Variants in STXBP5 observed in about 807,000 individuals in gnomAD.
STXBP5 encodes syntaxin binding protein 5.
STXBP5 carries 50 observed loss-of-function variants against 152.4 expected under a neutral mutation model. The observed-to-expected ratio is 0.33, with a 90% confidence interval of 0.26 to 0.42. The LOEUF (loss-of-function observed/expected upper bound fraction) is 0.42, where lower values mean the gene tolerates loss of function less well. Among genes scored for constraint, STXBP5 ranks in the 10% least tolerant of loss-of-function variants. STXBP5 has a pLI of 1.00. For missense variants in STXBP5, 1,167 were observed against 1,388.6 expected (o/e 0.84, Z 2.54); for synonymous variants, 492 against 494.7 (o/e 0.99, Z 0.07).
chr6:147,315,655 A>C lies in STXBP5; in HGVS notation c.1543A>C (p.Met515Leu). ...QIISWCPESR[M>L]LCIAGVSAHV... ...CATCTCCTGGTGTCCAGAAAGTAGA[A>C]TGCTGTGCATCGCTGGAGTTTCAGC... Residue 515 changes from methionine (M) to leucine (L), a missense_variant, in exon 15 of 28, where the codon ATG (methionine) becomes CTG (leucine). Physicochemically the swap from Met to Leu is conservative, Grantham distance 15 (BLOSUM62 2). Around this residue, in one of 3 missense-constraint regions of STXBP5, gnomAD observed 833 missense variants for 986.3 expected, o/e 0.84. Transcript: ENST00000321680. The C allele has an allele frequency of 6.2e-7, 1 of 1,613,984 alleles. No individual in the cohort carries two copies. Among genetic ancestry groups the C allele is most frequent in the Non-Finnish European group, 8.5e-7 (1 of 1,179,934 alleles).
At chr6:147,252,329 T>C (rs918426574) in intron 4 of STXBP5, among the ~76,000 whole-genome samples, 1 of 151,774 alleles carries the variant, frequency 6.6e-6, no homozygotes, top group East Asian at 2.0e-4. Context: ...CTAAGAACCT[T>C]GAAAAAAGGT....
intron 2 of STXBP5, among the ~76,000 whole-genome samples, chr6:147,218,935 A>C (rs1300632921): frequency 6.6e-6 from 1 of 152,160 alleles, no homozygotes; most frequent in Non-Finnish European, 1.5e-5. Flanking sequence ...ATCTATGTGC[A>C]TACCTTTTAT....
chr6:147,331,219 G>T (rs1279651437), intron 18 of STXBP5, among the ~76,000 whole-genome samples: 1 of 152,190 alleles, frequency 6.6e-6, no homozygotes, highest in African/African-American at 2.4e-5. Flanking sequence ...AAGGGTCACT[G>T]TTTAAGGGGG....
chr6:147,383,965 T>C (rs1786220846), intron 27 of STXBP5, among the ~76,000 whole-genome samples: 1 of 152,078 alleles, frequency 6.6e-6, no homozygotes, highest in African/African-American at 2.4e-5. Context: ...TAGGTCAGGA[T>C]TTTTGTTGTC....
intron 19 of STXBP5, among the ~76,000 whole-genome samples, chr6:147,335,108 TA>T (rs904935650): frequency 3.3e-5 from 5 of 152,196 alleles, no homozygotes; most frequent in African/African-American, 1.2e-4. Context: ...TTCTTAAAGT[TA>T]AAATGTACCT....
chr6:147,240,320 T>C (rs1330145849), intron 4 of STXBP5, among the ~76,000 whole-genome samples: 1 of 152,190 alleles, frequency 6.6e-6, no homozygotes, highest in Middle Eastern at 3.2e-3. Flanking sequence ...GAAATATGAG[T>C]AAGGATATAG....
intron 7 of STXBP5, among the ~76,000 whole-genome samples, chr6:147,272,588 G>T (rs141466149): frequency 1.3e-5 from 2 of 152,058 alleles, no homozygotes; most frequent in Admixed American, 6.5e-5. Flanking sequence ...TTCCTCACTA[G>T]TGAGGGTTAA....
At chr6:147,350,441 G>A (rs113725809) in intron 21 of STXBP5, among the ~76,000 whole-genome samples, 2 of 152,064 alleles carry the variant, frequency 1.3e-5, no homozygotes, top group East Asian at 1.9e-4. Flanking sequence ...TTAAATAAAC[G>A]TTCCTAATTG....
chr6:147,206,961 T>C (rs1562407285), intron 2 of STXBP5, among the ~76,000 whole-genome samples: 1 of 151,766 alleles, frequency 6.6e-6, no homozygotes, highest in Admixed American at 6.6e-5. Flanking sequence ...GATATCTACC[T>C]CCTGCATATT....
At chr6:147,321,252 A>C (rs1420553314) in intron 16 of STXBP5, among the ~76,000 whole-genome samples, 1 of 152,182 alleles carries the variant, frequency 6.6e-6, no homozygotes, top group Non-Finnish European at 1.5e-5. Context: ...GTATAACAAA[A>C]ATTGATGTTA....
chr6:147,229,811 A>G (rs1777902685), intron 2 of STXBP5, among the ~76,000 whole-genome samples: 1 of 151,936 alleles, frequency 6.6e-6, no homozygotes, highest in African/African-American at 2.4e-5. Context: ...ATGAATAAAG[A>G]TAGTTCTACT....
rs1447321725 is a variant in STXBP5, at chr6:147,382,872, AGTT to A, written c.3293_3295del (p.Val1098del). 4 of 1,613,334 alleles carry A rather than the reference AGTT, an allele frequency of 2.5e-6. No individual in the cohort carries two copies. The highest frequency in any genetic ancestry group is 3.4e-6 in the Non-Finnish European group (4 of 1,179,688). ...AAGGCGTAAAAGGGGCAGCATCTGG[AGTT>A]GTTGGTGAATTAGCACGAGCCAGGC... On this transcript the variant is annotated inframe_deletion, in exon 27 of 28. Transcript: ENST00000321680.
chr6:147,346,436 C>T (rs753356063), intron 21 of STXBP5, among the ~76,000 whole-genome samples: 3 of 152,016 alleles, frequency 2.0e-5, no homozygotes, highest in Non-Finnish European at 2.9e-5. Flanking sequence ...CCCCAGAAGT[C>T]ATAAAAATTG....
intron 4 of STXBP5, among the ~76,000 whole-genome samples, chr6:147,243,874 T>C (rs1192021899): frequency 1.3e-5 from 2 of 152,124 alleles, no homozygotes; most frequent in Admixed American, 1.3e-4. Flanking sequence ...TCCCATTGAA[T>C]TGTATTTGCT....
chr6:147,349,085 AAG>A (rs753192016), intron 21 of STXBP5, among the ~76,000 whole-genome samples: 19 of 152,200 alleles, frequency 1.2e-4, no homozygotes, highest in Non-Finnish European at 2.8e-4. Context: ...AAGATACAGT[AAG>A]AGAATATAAT....
intron 9 of STXBP5, among the ~76,000 whole-genome samples, chr6:147,296,008 G>A (rs1462944768): frequency 6.6e-6 from 1 of 152,076 alleles, no homozygotes; most frequent in Non-Finnish European, 1.5e-5. Context: ...CTCAGTGCCT[G>A]TGGCCAGGAA....
Position 147,250,969 on chromosome 6 carries a change from C to CAAAAAA in STXBP5, c.432-9627_432-9622dup, listed in dbSNP as rs887963991. ...GGCAACAAGAGTGAAACCTTGTCTCCAAAAAAAAAAAAAAAAAAAAAAAAG... is the reference window on the plus strand; with the variant it reads ...GGCAACAAGAGTGAAACCTTGTCTCCAAAAAAAAAAAAAAAAAAAAAAAAAAAAAAG... On this transcript the variant is annotated intron_variant, in intron 4 of 27. Transcript: ENST00000321680. 1.9e-4 allele frequency among the ~76,000 whole-genome samples: 10 copies of CAAAAAA among 52,938 alleles called. No homozygotes were observed. The East Asian group carries it at 2.4e-3, about 13-fold the overall frequency. 34.7% of individuals were successfully genotyped at this position (52,938 alleles called of 152,430 possible). A position where few individuals can be genotyped will look rare whatever the true frequency, so the allele number is the denominator to read the frequency against.
intron 16 of STXBP5, 151 bp downstream of exon 16, chr6:147,316,558 C>A: frequency 1.6e-6 from 1 of 634,966 alleles, no homozygotes; most frequent in Non-Finnish European, 2.4e-6. Flanking sequence ...TAGTCCAACT[C>A]ATTTTTCTAT....
chr6:147,384,622 G>T (rs1786250715), intron 27 of STXBP5, 92 bp from the exon 28 acceptor site: 3 of 1,279,320 alleles, frequency 2.3e-6, no homozygotes, highest in Non-Finnish European at 3.4e-6. Flanking sequence ...ATTGCAGAAT[G>T]ACATAATGTT....
Sources: allele counts gnomAD v4.1 joint callset (sites outside exome capture counted in the v4.1 genomes callset), GRCh38; gene constraint gnomAD v4.1.1; regional missense constraint gnomAD v4.1.1; transcripts MANE v1.5; gene names NCBI Gene and HGNC (gene_info 2026-07-23, HGNC 2026-07-21).